The following NKAIN3 variants were observed in gnomAD, a reference collection of about 807,000 sequenced individuals.
The protein encoded by NKAIN3 is sodium/potassium transporting ATPase interacting 3.
In NKAIN3, 25 loss-of-function variants were observed where a neutral mutation model predicts 30.2. That is an observed-to-expected ratio of 0.83 (90% CI 0.60 to 1.16). NKAIN3 has a LOEUF of 1.16. NKAIN3 is among the 50% of genes most tolerant of loss of function. The pLI, the probability that NKAIN3 is intolerant of heterozygous loss-of-function variation, is 0.00. For missense variants in NKAIN3, 225 were observed against 254.1 expected (o/e 0.89, Z 0.78); for synonymous variants, 91 against 89.6 (o/e 1.02, Z -0.09).
At chr8:62,456,396 G>A (rs1805819055) in intron 1 of NKAIN3, among the ~76,000 whole-genome samples, 1 of 152,068 alleles carries the variant, frequency 6.6e-6, no homozygotes, top group African/African-American at 2.4e-5. Context: ...GCGGGCGCCT[G>A]TAGTCCCAGC....
intron 3 of NKAIN3, among the ~76,000 whole-genome samples, chr8:62,728,765 C>T (rs1435859875): frequency 6.6e-6 from 1 of 151,742 alleles, no homozygotes; most frequent in Non-Finnish European, 1.5e-5. Context: ...CTGAGGCGGT[C>T]GGATCACGAG....
At chr8:62,693,877 A>G (rs1814064219) in intron 3 of NKAIN3, among the ~76,000 whole-genome samples, 1 of 152,200 alleles carries the variant, frequency 6.6e-6, no homozygotes, top group Non-Finnish European at 1.5e-5. Context: ...GAAGTACATC[A>G]TGACTTGAGC....
At chr8:62,574,054 A>G (rs185200572) in intron 1 of NKAIN3, among the ~76,000 whole-genome samples, 1 of 152,266 alleles carries the variant, frequency 6.6e-6, no homozygotes, top group Non-Finnish European at 1.5e-5. Context: ...TCCGGAAGCT[A>G]TCATTCTGCT....
chr8:62,630,777 T>C (rs956103991), intron 3 of NKAIN3, among the ~76,000 whole-genome samples: 2 of 152,172 alleles, frequency 1.3e-5, no homozygotes, highest in African/African-American at 4.8e-5. Context: ...TCCCTCTGTC[T>C]GACTCAGAGA....
chr8:62,342,053 T>C (rs1309062839), intron 1 of NKAIN3, among the ~76,000 whole-genome samples: 1 of 152,016 alleles, frequency 6.6e-6, no homozygotes, highest in African/African-American at 2.4e-5. Flanking sequence ...TCTCCCAGTG[T>C]AAATTTCAAT....
rs1261979470 is a variant in NKAIN3 at position 62,617,450 on chromosome 8, A to T, written c.273+27656A>T. ...GGAAGGACTCTGACACTAGGTCATAAAGTTAAACCAGAATGAGAAAGATAC... is the reference window on the plus strand; with the variant it reads ...GGAAGGACTCTGACACTAGGTCATATAGTTAAACCAGAATGAGAAAGATAC... On this transcript the variant is annotated intron_variant, in intron 3 of 6. Transcript: ENST00000623646. Among the ~76,000 whole-genome samples, 3 of 152,198 alleles carry T rather than the reference A, an allele frequency of 2.0e-5. No individual in the cohort carries two copies. In the East Asian group the frequency reaches 5.8e-4, roughly 29 times the overall value.
intron 1 of NKAIN3, among the ~76,000 whole-genome samples, chr8:62,323,008 A>G (rs1814992045): frequency 6.6e-6 from 1 of 152,226 alleles, no homozygotes; most frequent in Non-Finnish European, 1.5e-5. Flanking sequence ...AGAATGGCTA[A>G]ATTCAAAACA....
chr8:62,526,180 C>T (rs1036605738), intron 1 of NKAIN3, among the ~76,000 whole-genome samples: 6 of 152,000 alleles, frequency 3.9e-5, no homozygotes, highest in African/African-American at 1.4e-4. Flanking sequence ...AAGGGAAGAG[C>T]TGGGAGGAAC....
At chr8:62,682,362 G>T (rs747082542) in intron 3 of NKAIN3, among the ~76,000 whole-genome samples, 2 of 152,134 alleles carry the variant, frequency 1.3e-5, no homozygotes, top group African/African-American at 4.8e-5. Context: ...GCCATTTCTG[G>T]TCTCACAGGG....
intron 1 of NKAIN3, among the ~76,000 whole-genome samples, chr8:62,342,755 G>A (rs1414897901): frequency 1.3e-5 from 2 of 152,080 alleles, no homozygotes; most frequent in African/African-American, 4.8e-5. Context: ...AATGTTCTTT[G>A]AAAAGAATGT....
At chr8:62,763,144 C>T (rs1423167138) in intron 4 of NKAIN3, among the ~76,000 whole-genome samples, 1 of 141,080 alleles carries the variant, frequency 7.1e-6, no homozygotes, top group Non-Finnish European at 1.5e-5. Context: ...TGGCGTGAAC[C>T]CAGGAGGCGG....
At chr8:62,663,019 A>G (rs1462101462) in intron 3 of NKAIN3, among the ~76,000 whole-genome samples, 1 of 152,240 alleles carries the variant, frequency 6.6e-6, no homozygotes, top group Non-Finnish European at 1.5e-5. Context: ...CAAAAGGCCA[A>G]GACAAAGTTG....
Position 62,746,966 on chromosome 8 carries a change from A to G in NKAIN3, c.308A>G (p.His103Arg), listed in dbSNP as rs1308955337. The G allele has an allele frequency of 1.2e-6, 2 of 1,613,618 alleles. No homozygotes were observed. The highest frequency in any genetic ancestry group is 1.7e-5 in the Admixed American group (1 of 60,022). Reference protein sequence around the residue: ...TDLMTFNISVHRSWWREHGPG... With the variant: ...TDLMTFNISVRRSWWREHGPG... ...CTAATGACATTCAATATCTCTGTAC[A>G]TCGGTCATGGTGGAGAGAACATGGG... The change falls in exon 4 of 7, where the codon CAT (histidine) becomes CGT (arginine). Residue 103 changes from histidine to arginine, a missense_variant. By Grantham distance (29) the His-to-Arg change is conservative. Coordinates refer to ENST00000623646, the MANE Select transcript of NKAIN3 (RefSeq NM_001304533.3).
At chr8:62,296,488 A>G (rs1459996014) in intron 1 of NKAIN3, among the ~76,000 whole-genome samples, 1 of 152,146 alleles carries the variant, frequency 6.6e-6, no homozygotes, top group Non-Finnish European at 1.5e-5. Context: ...AAAATCTTTG[A>G]ACACACCATC....
chr8:62,440,379 G>A (rs1392502947), intron 1 of NKAIN3, among the ~76,000 whole-genome samples: 1 of 152,068 alleles, frequency 6.6e-6, no homozygotes, highest in Non-Finnish European at 1.5e-5. Context: ...TGAAATGAGA[G>A]CATTTTTGTT....
intron 3 of NKAIN3, among the ~76,000 whole-genome samples, chr8:62,694,038 G>T (rs537990996): frequency 1.6e-4 from 24 of 152,140 alleles, no homozygotes; most frequent in Admixed American, 4.6e-4. Context: ...TCAAATCAGG[G>T]TAATTGGAAT....
chr8:62,641,329 CTG>C (rs1812302746), intron 3 of NKAIN3, among the ~76,000 whole-genome samples: 1 of 152,228 alleles, frequency 6.6e-6, no homozygotes, highest in African/African-American at 2.4e-5. Flanking sequence ...CACTCTATTG[CTG>C]TGTGTCTTGC....
intron 1 of NKAIN3, among the ~76,000 whole-genome samples, chr8:62,573,390 G>C (rs901211091): frequency 2.0e-5 from 3 of 152,078 alleles, no homozygotes; most frequent in Non-Finnish European, 4.4e-5. Context: ...ACTCAGCAAG[G>C]CTATTTCAAT....
chr8:62,552,597 T>C (rs763315301), intron 1 of NKAIN3, among the ~76,000 whole-genome samples: 27 of 152,218 alleles, frequency 1.8e-4, no homozygotes, highest in Non-Finnish European at 3.5e-4. Context: ...GATGCCAGTT[T>C]TCCTGCTTCT....
Sources: gnomAD v4.1 joint callset for allele counts (sites outside exome capture counted in the v4.1 genomes callset) on GRCh38, gnomAD v4.1.1 for gene constraint, MANE v1.5 for transcripts, NCBI Gene and HGNC (gene_info 2026-07-23, HGNC 2026-07-21) for gene names.